PYGB: variants seen among roughly 807,000 people sequenced by gnomAD.
PYGB encodes glycogen phosphorylase, brain form.
In PYGB, 82 loss-of-function variants were observed where a neutral mutation model predicts 94.3. The ratio of observed to expected loss-of-function variants is 0.87; its 90% CI spans 0.73 to 1.04. The LOEUF (loss-of-function observed/expected upper bound fraction) is 1.04, where lower values mean the gene tolerates loss of function less well. Among genes scored for constraint, PYGB ranks in the 50% least tolerant of loss-of-function variants. The probability of loss-of-function intolerance (pLI) is 0.00; values close to 1 mark genes in which losing one functional copy is unlikely to be tolerated. For synonymous variants in PYGB, 488 were observed against 479.1 expected, an observed-to-expected ratio of 1.02 and a Z score of -0.24; for missense variants, 1,132 against 1,158.2, an observed-to-expected ratio of 0.98 and a Z score of 0.33.
chr20:25,282,216 C>T, intron 12 of PYGB, 69 bp downstream of exon 12: 14 of 1,304,604 alleles, frequency 1.1e-5, no homozygotes, highest in East Asian at 2.3e-5. Flanking sequence ...TGTCATCAGC[C>T]CCTGCTGAGC....
intron 6 of PYGB, 32 bp downstream of exon 6, chr20:25,276,789 C>A: frequency 6.3e-7 from 1 of 1,588,504 alleles, no homozygotes; most frequent in Non-Finnish European, 8.6e-7. Context: ...ACCCTTGTGT[C>A]CATGTGGGTG....
chr20:25,276,906 C>A, intron 6 of PYGB, 149 bp downstream of exon 6: 1 of 744,160 alleles, frequency 1.3e-6, no homozygotes, highest in Non-Finnish European at 2.2e-6. Flanking sequence ...CAGTGAAGAG[C>A]GAGGCTGGTG....
chr20:25,259,538 G>A (rs1350701999), intron 2 of PYGB, among the ~76,000 whole-genome samples, 200 bp downstream of exon 2: 6 of 152,196 alleles, frequency 3.9e-5, no homozygotes, highest in Non-Finnish European at 7.3e-5. Context: ...AGTAAGAATC[G>A]AACGGACCGC....
chr20:25,293,597 GCA>G (rs755492447), intron 17 of PYGB, among the ~76,000 whole-genome samples: 1 of 152,212 alleles, frequency 6.6e-6, no homozygotes, highest in African/African-American at 2.4e-5. Context: ...GCTGGCCCGA[GCA>G]CAGAGGCCTG....
chr20:25,270,667 G>T (rs1410964808), intron 3 of PYGB, among the ~76,000 whole-genome samples: 1 of 152,044 alleles, frequency 6.6e-6, no homozygotes, highest in African/African-American at 2.4e-5. Context: ...ACAGCTAATT[G>T]TATTTTTTAT....
At chr20:25,261,884 T>C (rs1263548781) in intron 2 of PYGB, among the ~76,000 whole-genome samples, 2 of 152,118 alleles carry the variant, frequency 1.3e-5, no homozygotes, top group Non-Finnish European at 2.9e-5. Flanking sequence ...GTATCAGTGA[T>C]TGAAGATCAA....
chr20:25,266,265 T>A (rs201012774), intron 2 of PYGB, among the ~76,000 whole-genome samples: 1 of 146,132 alleles, frequency 6.8e-6, no homozygotes, highest in African/African-American at 2.6e-5. Flanking sequence ...TTTTTTTTTT[T>A]AAAGGAAATA....
chr20:25,294,893 C>T, intron 18 of PYGB: 3 of 1,505,732 alleles, frequency 2.0e-6, no homozygotes, highest in Non-Finnish European at 2.8e-6. Context: ...AATTCACCTG[C>T]CCTCCACTTT....
intron 1 of PYGB, among the ~76,000 whole-genome samples, chr20:25,256,843 T>A (rs113949969): frequency 0.065 from 9,908 of 152,286 alleles, 999 homozygotes; most frequent in African/African-American, 0.22. Context: ...AGGCTGTTGC[T>A]TGGACAAAGC....
chr20:25,259,730 A>G (rs935884905), intron 2 of PYGB, among the ~76,000 whole-genome samples: 8 of 152,066 alleles, frequency 5.3e-5, no homozygotes, highest in African/African-American at 1.9e-4. Context: ...TGACCTCCGG[A>G]GCTCACCCTA....
At chr20:25,271,525 C>T (rs2281559) in intron 4 of PYGB, 39 bp downstream of exon 4, 273,357 of 1,573,182 alleles carry the variant, frequency 0.17, 25,390 homozygotes, top group East Asian at 0.33. Flanking sequence ...TTCCAGCTCT[C>T]GTTCACACAA....
chr20:25,252,628 A>G (rs1308296752), intron 1 of PYGB, among the ~76,000 whole-genome samples: 1 of 152,238 alleles, frequency 6.6e-6, no homozygotes, highest in African/African-American at 2.4e-5. Context: ...CTTACAAGGA[A>G]TACAACCCAG....
intron 2 of PYGB, among the ~76,000 whole-genome samples, chr20:25,265,939 A>C (rs925066009): frequency 6.6e-6 from 1 of 151,698 alleles, no homozygotes; most frequent in Non-Finnish European, 1.5e-5. Context: ...TGTCCTAGAT[A>C]TTAATAGCGT....
Position 25,274,711 on chromosome 20 carries a change from G to T in PYGB, c.648G>T (p.Trp216Cys), listed in dbSNP as rs750227993. Residue 216 changes from tryptophan (W) to cysteine (C), a missense_variant, in exon 5 of 20, where the codon TGG becomes TGT. By Grantham distance (215) the Trp-to-Cys change is radical (BLOSUM62 -2). Coordinates refer to ENST00000216962, the MANE Select transcript of PYGB (RefSeq NM_002862.4). ...RVEHTPDGVKWLDTQVVLAMP... is the reference protein window; with the variant it reads ...RVEHTPDGVKCLDTQVVLAMP... ...AGCACACCCCCGACGGCGTGAAGTGGCTGGACACACAGGTACCTGGGCTGA... is the reference window on the plus strand; with the variant it reads ...AGCACACCCCCGACGGCGTGAAGTGTCTGGACACACAGGTACCTGGGCTGA... The T allele has an allele frequency of 6.2e-7, 1 of 1,612,840 alleles. No individual in the cohort carries two copies. The highest frequency in any genetic ancestry group is 2.2e-5 in the East Asian group (1 of 44,882).
At chr20:25,285,634 C>T (rs2088411329) in intron 14 of PYGB, 1 of 152,116 alleles carries the variant, frequency 6.6e-6, no homozygotes, top group Admixed American at 6.6e-5. Flanking sequence ...CTGGTCTTCC[C>T]CCTTGCTCCA....
At chr20:25,250,568 G>A (rs2092884902) in intron 1 of PYGB, among the ~76,000 whole-genome samples, 1 of 152,202 alleles carries the variant, frequency 6.6e-6, no homozygotes, top group Non-Finnish European at 1.5e-5. Flanking sequence ...GCTAATTCAT[G>A]ATGAAAATAA....
At chr20:25,276,846 C>A in intron 6 of PYGB, 89 bp downstream of exon 6, 1 of 1,269,904 alleles carries the variant, frequency 7.9e-7, no homozygotes, top group Non-Finnish European at 1.1e-6. Context: ...CGCCCTGTGG[C>A]TCACTGTCCT....
intron 3 of PYGB, among the ~76,000 whole-genome samples, chr20:25,271,177 C>T (rs1044339154): frequency 6.6e-6 from 1 of 152,094 alleles, no homozygotes; most frequent in African/African-American, 2.4e-5. Context: ...TCCTCCCACG[C>T]CCTTCGAGTA....
At chr20:25,264,996 T>G (rs2092921615) in intron 2 of PYGB, among the ~76,000 whole-genome samples, 1 of 152,236 alleles carries the variant, frequency 6.6e-6, no homozygotes, top group Non-Finnish European at 1.5e-5. Flanking sequence ...AGAAGAAAGC[T>G]GGAGGCATCA....
Sources: allele counts gnomAD v4.1 joint callset (sites outside exome capture counted in the v4.1 genomes callset), GRCh38; gene constraint gnomAD v4.1.1; transcripts MANE v1.5; gene names NCBI Gene and HGNC (gene_info 2026-07-23, HGNC 2026-07-21).